Variants in ANKFY1 observed in about 807,000 individuals in gnomAD.
The protein encoded by ANKFY1 is ankyrin repeat and FYVE domain containing 1.
In ANKFY1, 47 loss-of-function variants were observed where a neutral mutation model predicts 128.3. The observed-to-expected ratio is 0.37, with a 90% confidence interval of 0.29 to 0.47. The LOEUF (loss-of-function observed/expected upper bound fraction) is 0.47. Ranked by LOEUF, ANKFY1 falls within the 20% of genes least tolerant of loss-of-function variation. The pLI is 1.00. For missense variants in ANKFY1, 1,222 were observed against 1,510.6 expected, an observed-to-expected ratio of 0.81 and a Z score of 3.17; for synonymous variants, 553 against 601.6, an observed-to-expected ratio of 0.92 and a Z score of 1.18.
At chr17:4,252,313 T>A (rs1967879532) in intron 1 of ANKFY1, among the ~76,000 whole-genome samples, 1 of 152,094 alleles carries the variant, frequency 6.6e-6, no homozygotes, top group Non-Finnish European at 1.5e-5. Flanking sequence ...ACACCTATAA[T>A]CCCAAAAGTT....
chr17:4,253,936 C>T (rs1231378632), intron 1 of ANKFY1, among the ~76,000 whole-genome samples: 4 of 152,148 alleles, frequency 2.6e-5, no homozygotes, highest in Non-Finnish European at 2.9e-5. Context: ...TATATGACAA[C>T]AACAACAACA....
chr17:4,250,250 A>G (rs1567978520), intron 1 of ANKFY1, among the ~76,000 whole-genome samples: 1 of 152,140 alleles, frequency 6.6e-6, no homozygotes, highest in Non-Finnish European at 1.5e-5. Context: ...CTTTCCTTCA[A>G]CAGCTCCTGC....
intron 2 of ANKFY1, among the ~76,000 whole-genome samples, chr17:4,239,546 T>A (rs1967094945): frequency 1.3e-5 from 2 of 152,164 alleles, no homozygotes; most frequent in African/African-American, 4.8e-5. Context: ...CTCGAAATTT[T>A]GATTTTTTTT....
chr17:4,263,052 AGAG>A (rs1041221244), intron 1 of ANKFY1, among the ~76,000 whole-genome samples: 4 of 150,494 alleles, frequency 2.7e-5, no homozygotes, highest in Non-Finnish European at 5.9e-5. Context: ...AATGGGGTGA[AGAG>A]GAGAACCAGG....
chr17:4,165,224 C>G lies in ANKFY1; in HGVS notation c.*2555G>C, dbSNP rs1052819675. On this transcript the variant is annotated 3_prime_UTR_variant, in exon 25 of 25. Coordinates refer to ENST00000341657, the MANE Select transcript of ANKFY1 (RefSeq NM_001330063.2). The stretch of plus-strand genomic sequence containing the variant: ...GTTAGGAATACACTGGATAATAAAT[C>G]TGGCGATGAGCAAAGGGCAGTTGAG... 4 of 152,212 alleles carry G rather than the reference C, an allele frequency of 2.6e-5. No homozygotes were observed. The highest frequency in any genetic ancestry group is 1.5e-5 in the Non-Finnish European group (1 of 68,030). The allele number at this position is 152,212 out of a possible 1,614,324, so 9.4% of individuals were successfully genotyped here. A position where few individuals can be genotyped will look rare whatever the true frequency, so the allele number is the denominator to read the frequency against.
intron 1 of ANKFY1, among the ~76,000 whole-genome samples, chr17:4,245,632 C>T (rs773456080): frequency 6.6e-6 from 1 of 151,586 alleles, no homozygotes; most frequent in East Asian, 1.9e-4. Context: ...GGTGTCCATA[C>T]TTGGGAGGCT....
At chr17:4,228,460 A>G (rs1380664052) in intron 3 of ANKFY1, among the ~76,000 whole-genome samples, 1 of 151,508 alleles carries the variant, frequency 6.6e-6, no homozygotes, top group Non-Finnish European at 1.5e-5. Flanking sequence ...TCTGTCGTCC[A>G]GACGGGAGTG....
At chr17:4,176,634 C>G (rs1555623551) in intron 19 of ANKFY1, among the ~76,000 whole-genome samples, 1 of 152,222 alleles carries the variant, frequency 6.6e-6, no homozygotes, top group Non-Finnish European at 1.5e-5. Flanking sequence ...AGACCCTCCC[C>G]GGCCTGGGTG....
rs569619269 is a variant in ANKFY1 at position 4,257,965 on chromosome 17, C to T, written c.10+5967G>A. ...ATCTCAAATTGCCTACAGCAAATCA[C>T]CTTGCCAGTGACAGAATCCTGTGTA... On this transcript the variant is annotated intron_variant, in intron 1 of 24. Transcript: ENST00000341657. 5.1e-4 allele frequency among the ~76,000 whole-genome samples: 77 copies of T among 152,344 alleles called. 1 individual carries two copies. The highest frequency in any genetic ancestry group is 8.1e-4 in the Non-Finnish European group (55 of 68,036).
intron 3 of ANKFY1, among the ~76,000 whole-genome samples, chr17:4,234,492 G>A (rs1966859999): frequency 6.6e-6 from 1 of 151,702 alleles, no homozygotes; most frequent in Non-Finnish European, 1.5e-5. Flanking sequence ...ATAGGCCAAT[G>A]TAGCTATTAA....
chr17:4,202,770 T>C (rs1446101058), intron 7 of ANKFY1, among the ~76,000 whole-genome samples: 1 of 147,496 alleles, frequency 6.8e-6, no homozygotes, highest in Non-Finnish European at 1.5e-5. Flanking sequence ...ATGAAAAATG[T>C]ATAATACACC....
intron 8 of ANKFY1, among the ~76,000 whole-genome samples, chr17:4,196,516 CT>C (rs1489217193): frequency 1.3e-5 from 2 of 152,156 alleles, no homozygotes; most frequent in African/African-American, 4.8e-5. Context: ...GACAAGTAGC[CT>C]TTTCTCAGAT....
intron 23 of ANKFY1, 150 bp downstream of exon 23, chr17:4,170,565 T>A: frequency 8.8e-7 from 1 of 1,139,116 alleles, no homozygotes; most frequent in East Asian, 2.5e-5. Context: ...AGTCCTTCCC[T>A]TATTCAGAGA....
chr17:4,180,760 C>CA (rs11392631), intron 16 of ANKFY1, among the ~76,000 whole-genome samples: 16,764 of 57,416 alleles, frequency 0.29, 2,482 homozygotes, highest in Non-Finnish European at 0.38. Flanking sequence ...GACTCTGTCT[C>CA]AAAAAAAAAA....
intron 23 of ANKFY1, among the ~76,000 whole-genome samples, chr17:4,170,463 G>T (rs549699863): frequency 3.8e-4 from 58 of 152,266 alleles, no homozygotes; most frequent in African/African-American, 1.3e-3. Flanking sequence ...TGGAGCTTTG[G>T]CATTTCTAGA....
chr17:4,171,741 G>A (rs955466018), intron 22 of ANKFY1, among the ~76,000 whole-genome samples: 58 of 152,298 alleles, frequency 3.8e-4, no homozygotes, highest in Non-Finnish European at 8.8e-5. Flanking sequence ...CAGTGCGCAC[G>A]TAGCAAAGGC....
At position 4,166,815 on chromosome 17, in the gene ANKFY1, A is replaced by G. The variant is rs1327692394; in HGVS notation, c.*964T>C. 3 of 152,288 alleles carry G rather than the reference A, an allele frequency of 2.0e-5. No individual in the cohort carries two copies. The highest frequency in any genetic ancestry group is 2.9e-5 in the Non-Finnish European group (2 of 68,040). 9.4% of individuals were successfully genotyped at this position (152,288 alleles called of 1,614,324 possible). On this transcript the variant is annotated 3_prime_UTR_variant, in exon 25 of 25. Transcript: ENST00000341657. ...CTCCCCCTCTCATCACTTGGCCTGT[A>G]TGAATCTCTTGCTCTAAAAGATGCT...
chr17:4,258,259 C>T (rs759201400), intron 1 of ANKFY1, among the ~76,000 whole-genome samples: 60 of 152,198 alleles, frequency 3.9e-4, no homozygotes, highest in Non-Finnish European at 6.9e-4. Flanking sequence ...GGCGCGGTGG[C>T]TCACGCCTGT....
chr17:4,206,333 C>T lies in ANKFY1; in HGVS notation c.886G>A (p.Gly296Arg), dbSNP rs753708675. Residue 296 changes from glycine to arginine, a missense_variant, in exon 7 of 25, where the codon GGA becomes AGA. Coordinates refer to ENST00000341657, the MANE Select transcript of ANKFY1 (RefSeq NM_001330063.2). ...CACTTCTTCCTACCTCTTTGGATTC[C>T]TTTGTGTAACAAGCTCCAGCCACTC... The part of the protein sequence containing the change: ...DKSGWSLLHK[G>R]IQRGDLFAAT... 1 of 1,613,166 alleles carries T rather than the reference C, an allele frequency of 6.2e-7. No individual in the cohort carries two copies. The highest frequency in any genetic ancestry group is 8.5e-7 in the Non-Finnish European group (1 of 1,179,280).
Sources: gnomAD v4.1 joint callset for allele counts (sites outside exome capture counted in the v4.1 genomes callset) on GRCh38, gnomAD v4.1.1 for gene constraint, MANE v1.5 for transcripts, NCBI Gene and HGNC (gene_info 2026-07-23, HGNC 2026-07-21) for gene names.